The following NCAPD3 variants were observed in gnomAD, a reference collection of about 807,000 sequenced individuals.
The protein encoded by NCAPD3 is condensin-2 complex subunit D3.
NCAPD3 carries 105 observed loss-of-function variants against 182.9 expected under a neutral mutation model. The observed-to-expected ratio is 0.57, with a 90% CI of 0.49 to 0.68. The LOEUF is 0.68. Among genes scored for constraint, NCAPD3 ranks in the 30% least tolerant of loss-of-function variants. The pLI is 0.00. For missense variants in NCAPD3, 1,944 were observed against 1,837.0 expected, an observed-to-expected ratio of 1.06 and a Z score of -1.07; for synonymous variants, 815 against 679.9, an observed-to-expected ratio of 1.20 and a Z score of -3.09.
rs1251429170 is a variant in NCAPD3 at position 134,202,755 on chromosome 11, A to T, written c.1615+61T>A. ...AAAAAAATCCAAGGTTTTAGACTCTACTTACGGTTGTCTGAAATCCAGCAG... is the reference window on the plus strand; with the variant it reads ...AAAAAAATCCAAGGTTTTAGACTCTTCTTACGGTTGTCTGAAATCCAGCAG... On this transcript the variant is annotated intron_variant, in intron 13 of 34. Coordinates refer to ENST00000534548, the MANE Select transcript of NCAPD3 (RefSeq NM_015261.3). 6 of 1,308,188 alleles carry T rather than the reference A, an allele frequency of 4.6e-6. No homozygotes were observed. In the African/African-American group the frequency reaches 9.0e-5, roughly 20 times the overall value. The allele number at this position is 1,308,188 out of a possible 1,614,324, so 81.0% of individuals were successfully genotyped here.
chr11:134,150,205 T>C lies in NCAPD3; in HGVS notation c.*2739A>G, dbSNP rs1011229709. ...CTCATACTGTCTACACATCAGACCATAGTTGCTTAGGAAACCTTTAAAAAT... is the reference window on the plus strand; with the variant it reads ...CTCATACTGTCTACACATCAGACCACAGTTGCTTAGGAAACCTTTAAAAAT... On this transcript the variant is annotated 3_prime_UTR_variant, in exon 35 of 35. Transcript: ENST00000534548. 9 of 152,222 alleles carry C rather than the reference T, an allele frequency of 5.9e-5. No homozygotes were observed. Among genetic ancestry groups the C allele is most frequent in the African/African-American group, 1.2e-4 (5 of 41,382 alleles). 9.4% of individuals were successfully genotyped at this position (152,222 alleles called of 1,614,324 possible). A position where few individuals can be genotyped will look rare whatever the true frequency, so the allele number is the denominator to read the frequency against.
chr11:134,185,056 A>G (rs1483580037), intron 17 of NCAPD3, 56 bp from the exon 18 acceptor site: 6 of 1,341,764 alleles, frequency 4.5e-6, no homozygotes, highest in African/African-American at 1.4e-5. Context: ...ACTGCTGCCA[A>G]CAAAGGCCTT....
chr11:134,216,890 GA>G lies in NCAPD3; in HGVS notation c.382+45del, dbSNP rs759631779. 469 of 1,532,128 alleles carry G rather than the reference GA, an allele frequency of 3.1e-4. 6 individuals carry two copies. In the Admixed American group the frequency reaches 9.6e-3, roughly 31 times the overall value. 94.9% of individuals were successfully genotyped at this position (1,532,128 alleles called of 1,614,324 possible). A position where few individuals can be genotyped will look rare whatever the true frequency, so the allele number is the denominator to read the frequency against. On this transcript the variant is annotated intron_variant, in intron 3 of 34. Transcript: ENST00000534548. ...GTATAAGAATTGAAAACTGTAGAAA[GA>G]AAAAAATGACAGAAGATTTATCCTA...
chr11:134,211,031 C>A (rs1937815179), intron 3 of NCAPD3, among the ~76,000 whole-genome samples: 1 of 152,146 alleles, frequency 6.6e-6, no homozygotes, highest in Admixed American at 6.5e-5. Context: ...AGACAGAGAG[C>A]AAAGAAGTAT....
chr11:134,174,382 C>CAAAAAAAAAAAAAAA (rs34533048), intron 24 of NCAPD3, among the ~76,000 whole-genome samples: 14 of 53,614 alleles, frequency 2.6e-4, no homozygotes, highest in East Asian at 1.1e-3. Flanking sequence ...GACCCTGTCT[C>CAAAAAAAAAAAAAAA]AAAAAAAAAA....
chr11:134,208,938 C>G lies in NCAPD3; in HGVS notation c.808G>C (p.Ala270Pro), dbSNP rs774387026. The change falls in exon 7 of 35, where the codon GCA becomes CCA. Residue 270 changes from alanine (A) to proline (P), a missense_variant. By Grantham distance (27) the Ala-to-Pro change is conservative. Coordinates refer to ENST00000534548, the MANE Select transcript of NCAPD3 (RefSeq NM_015261.3). ...TAAGCCAGTTCTGGTATGTATTTTG[C>G]TTGGTTAAGAGCTCTAAAAAAAAAA... ...HVTQARALNQAKYIPELAYYG... is the reference protein window; with the variant it reads ...HVTQARALNQPKYIPELAYYG... 1.2e-6 allele frequency: 2 copies of G among 1,608,188 alleles called. No homozygotes were observed. The highest frequency in any genetic ancestry group is 1.7e-5 in the Admixed American group (1 of 59,002).
At chr11:134,179,235 G>C (rs571826910) in intron 20 of NCAPD3, among the ~76,000 whole-genome samples, 11 of 152,038 alleles carry the variant, frequency 7.2e-5, no homozygotes, top group Non-Finnish European at 1.6e-4. Flanking sequence ...GTTATCTTGG[G>C]TAAACTGGGA....
chr11:134,174,837 T>C (rs1944120747), intron 24 of NCAPD3, among the ~76,000 whole-genome samples: 1 of 152,234 alleles, frequency 6.6e-6, no homozygotes. Flanking sequence ...AACATCACTC[T>C]CTGTCCCATA....
At chr11:134,171,321 ACTCT>A (rs1944001440) in intron 24 of NCAPD3, among the ~76,000 whole-genome samples, 1 of 152,004 alleles carries the variant, frequency 6.6e-6, no homozygotes, top group South Asian at 2.1e-4. Flanking sequence ...AGAAGTTATT[ACTCT>A]CTCACTAAGA....
chr11:134,210,240 T>C, intron 4 of NCAPD3, 30 bp downstream of exon 4: 1 of 1,573,274 alleles, frequency 6.4e-7, no homozygotes, highest in East Asian at 2.2e-5. Context: ...TGTGTTGGTA[T>C]ATATGTTTTA....
At chr11:134,179,691 G>A (rs1439913056) in intron 20 of NCAPD3, among the ~76,000 whole-genome samples, 1 of 152,044 alleles carries the variant, frequency 6.6e-6, no homozygotes, top group Non-Finnish European at 1.5e-5. Flanking sequence ...TTTCTATGTA[G>A]ACCCCATCAA....
chr11:134,177,275 C>T lies in NCAPD3; in HGVS notation c.2965G>A (p.Asp989Asn), dbSNP rs763617495. Residue 989 changes from aspartate (D) to asparagine (N), a missense_variant, in exon 23 of 35, where the codon GAT (aspartate) becomes AAT (asparagine). Coordinates refer to ENST00000534548, the MANE Select transcript of NCAPD3 (RefSeq NM_015261.3). ...TGCTTCCGGATGAATGGGTCGGAATCCTTCAGACACATGGAGATGTTGGGA... is the reference window on the plus strand; with the variant it reads ...TGCTTCCGGATGAATGGGTCGGAATTCTTCAGACACATGGAGATGTTGGGA... Reference protein sequence around the residue: ...YIPNISMCLKDSDPFIRKQTL... With the variant: ...YIPNISMCLKNSDPFIRKQTL... 1.2e-6 allele frequency: 2 copies of T among 1,614,216 alleles called. No homozygotes were observed. The highest frequency in any genetic ancestry group is 2.2e-5 in the East Asian group (1 of 44,872).
chr11:134,209,964 G>A (rs1159785633), intron 4 of NCAPD3, among the ~76,000 whole-genome samples: 1 of 152,176 alleles, frequency 6.6e-6, no homozygotes. Context: ...GCTGCAGCAG[G>A]AGAATCACTT....
upstream of NCAPD3, chr11:134,224,211 T>C (rs1368948233): frequency 1.9e-6 from 1 of 540,424 alleles, no homozygotes; most frequent in African/African-American, 1.9e-5. Context: ...ACAGCGTTTT[T>C]CCCGCCTCGT....
In NCAPD3 at chr11:134,202,860, C is replaced by G; in HGVS notation, c.1571G>C (p.Gly524Ala). The G allele has an allele frequency of 6.2e-7, 1 of 1,609,072 alleles. No individual in the cohort carries two copies. The highest frequency in any genetic ancestry group is 8.5e-7 in the Non-Finnish European group (1 of 1,178,922). Residue 524 changes from glycine (G) to alanine (A), a missense_variant, in exon 13 of 35, where the codon GGG becomes GCG. Transcript: ENST00000534548. ...ACCACTGCTGTCTATGTTGATCTCC[C>G]CTGAGGGTTCGGAACGGTTAGATGT... is the stretch of plus-strand genomic sequence containing the variant. ...RQTSNRSEPS[G>A]EINIDSSGET...
intron 27 of NCAPD3, among the ~76,000 whole-genome samples, chr11:134,165,687 G>C (rs900870610): frequency 6.8e-6 from 1 of 146,062 alleles, no homozygotes; most frequent in Non-Finnish European, 1.5e-5. Context: ...ACTCATTTGT[G>C]AGATGAGCTT....
intron 13 of NCAPD3, among the ~76,000 whole-genome samples, chr11:134,196,943 T>G (rs189883071): frequency 9.5e-4 from 145 of 152,324 alleles, no homozygotes; most frequent in African/African-American, 3.1e-3. Context: ...AACCTCATGT[T>G]GAACTGTAAC....
intron 16 of NCAPD3, among the ~76,000 whole-genome samples, chr11:134,187,623 T>G (rs558065475): frequency 3.3e-5 from 5 of 152,066 alleles, no homozygotes; most frequent in Non-Finnish European, 7.4e-5. Context: ...TTCCCAAATA[T>G]TCTACCCACG....
At chr11:134,166,657 ACT>A (rs768775508) in intron 27 of NCAPD3, among the ~76,000 whole-genome samples, 2 of 77,364 alleles carry the variant, frequency 2.6e-5, no homozygotes, top group Non-Finnish European at 5.0e-5. Context: ...GGAGCAGCAC[ACT>A]CACTTGTGAG....
Sources: gnomAD v4.1 joint callset for allele counts (sites outside exome capture counted in the v4.1 genomes callset) on GRCh38, gnomAD v4.1.1 for gene constraint, MANE v1.5 for transcripts, NCBI Gene and HGNC (gene_info 2026-07-23, HGNC 2026-07-21) for gene names.